The following EYS variants were observed in gnomAD, a reference collection of about 807,000 sequenced individuals.
EYS encodes protein eyes shut homolog.
EYS carries 250 observed loss-of-function variants against 282.1 expected under a neutral mutation model. That is an observed-to-expected ratio of 0.89 (90% confidence interval 0.80 to 0.98). The LOEUF (loss-of-function observed/expected upper bound fraction) is 0.98, where lower values mean the gene tolerates loss of function less well. EYS is among the 50% of genes least tolerant of loss of function. The pLI is 0.00. For synonymous variants in EYS, 1,355 were observed against 1,282.9 expected (o/e 1.06, Z -1.20); for missense variants, 4,016 against 3,709.0 (o/e 1.08, Z -2.15).
intron 12 of EYS, among the ~76,000 whole-genome samples, chr6:65,239,501 C>T (rs1242057001): frequency 6.6e-6 from 1 of 151,824 alleles, no homozygotes; most frequent in Non-Finnish European, 1.5e-5. Context: ...TTGGCTAATG[C>T]CCACTCTAGG....
intron 18 of EYS, among the ~76,000 whole-genome samples, chr6:64,894,168 T>C (rs1347106225): frequency 6.6e-6 from 1 of 152,122 alleles, no homozygotes; most frequent in East Asian, 1.9e-4. Flanking sequence ...TTAAGTTGCA[T>C]TGCATTTGTT....
At chr6:64,992,071 C>T (rs1430696864) in intron 14 of EYS, among the ~76,000 whole-genome samples, 1 of 151,804 alleles carries the variant, frequency 6.6e-6, no homozygotes, top group Admixed American at 6.6e-5. Flanking sequence ...GAATTTTAAG[C>T]ACGTGTCTTT....
At chr6:65,081,238 C>A (rs2150171593) in intron 12 of EYS, among the ~76,000 whole-genome samples, 1 of 151,990 alleles carries the variant, frequency 6.6e-6, no homozygotes, top group East Asian at 1.9e-4. Flanking sequence ...CTCAGTAGCC[C>A]CTTTTAACAT....
chr6:64,401,098 C>G (rs1773525308), intron 28 of EYS, among the ~76,000 whole-genome samples: 1 of 152,032 alleles, frequency 6.6e-6, no homozygotes, highest in South Asian at 2.1e-4. Flanking sequence ...AAGTTCTAAA[C>G]TTGCACAGGT....
Position 64,438,724 on chromosome 6 carries a change from A to G in EYS, c.5835+438T>C, listed in dbSNP as rs1346393716. 2.0e-5 allele frequency among the ~76,000 whole-genome samples: 3 copies of G among 151,812 alleles called. No homozygotes were observed. The East Asian group carries it at 5.8e-4, about 29-fold the overall frequency. On this transcript the variant is annotated intron_variant, in intron 27 of 42. Transcript: ENST00000503581. The stretch of plus-strand genomic sequence containing the variant: ...AATATTAATATCTAAATATATATAA[A>G]CTGATCTATCAGTATGAATGTAAAT...
chr6:64,780,135 G>C (rs979108949), intron 22 of EYS, among the ~76,000 whole-genome samples: 4 of 152,098 alleles, frequency 2.6e-5, no homozygotes, highest in South Asian at 2.1e-4. Flanking sequence ...ATATCTGGGA[G>C]AGATCACCAA....
intron 29 of EYS, among the ~76,000 whole-genome samples, chr6:64,331,092 C>T (rs919520730): frequency 6.6e-6 from 1 of 152,136 alleles, no homozygotes; most frequent in African/African-American, 2.4e-5. Flanking sequence ...TGAAGCCTGC[C>T]CTCTGCTGGT....
intron 36 of EYS, among the ~76,000 whole-genome samples, chr6:63,813,443 C>G (rs1017589948): frequency 2.0e-5 from 3 of 152,070 alleles, no homozygotes; most frequent in Non-Finnish European, 4.4e-5. Context: ...TAGTTTTTGA[C>G]AGAATATTTT....
At chr6:65,082,305 A>C (rs188001574) in intron 12 of EYS, among the ~76,000 whole-genome samples, 90 of 152,198 alleles carry the variant, frequency 5.9e-4, no homozygotes, top group African/African-American at 2.0e-3. Context: ...GGTTATGGAT[A>C]TAGTCCACAT....
At chr6:65,283,852 G>C (rs1174611714) in intron 12 of EYS, among the ~76,000 whole-genome samples, 1 of 151,976 alleles carries the variant, frequency 6.6e-6, no homozygotes, top group East Asian at 1.9e-4. Flanking sequence ...CTGTATTTGA[G>C]CTTTGTATAT....
At position 65,494,794 on chromosome 6, in the gene EYS, A is replaced by G. The variant is rs1330682702; in HGVS notation, c.617T>C (p.Phe206Ser). Residue 206 changes from phenylalanine to serine, a missense_variant, in exon 4 of 43, where the codon TTT becomes TCT. By Grantham distance (155) the Phe-to-Ser change is radical. Coordinates refer to ENST00000503581, the MANE Select transcript of EYS (RefSeq NM_001142800.2). The stretch of plus-strand genomic sequence containing the variant: ...AAGTTCCTGGCAGTATTTTCCAGAA[A>G]ATGGAGGCTGGCAATGGCAGCTATA... ...KTYSCHCQPP[F>S]SGKYCQELDA... The G allele has an allele frequency of 6.2e-7, 1 of 1,613,976 alleles. No individual in the cohort carries two copies. The highest frequency in any genetic ancestry group is 1.3e-5 in the African/African-American group (1 of 74,904).
At chr6:64,140,191 CA>C (rs1235791932) in intron 31 of EYS, among the ~76,000 whole-genome samples, 5 of 152,036 alleles carry the variant, frequency 3.3e-5, no homozygotes, top group Non-Finnish European at 7.4e-5. Flanking sequence ...GGTAACCCCC[CA>C]TCTATTTTGT....
chr6:65,077,564 T>A (rs1774094877), intron 12 of EYS, among the ~76,000 whole-genome samples: 1 of 152,090 alleles, frequency 6.6e-6, no homozygotes, highest in South Asian at 2.1e-4. Context: ...TCAAACAGAA[T>A]TACAACTTCT....
rs112466129 is a variant in EYS at position 64,462,779 on chromosome 6, G to A, written c.5645-23427C>T. Among the ~76,000 whole-genome samples the A allele has an allele frequency of 4.3e-3, 650 of 151,760 alleles. 4 individuals carry two copies. Among genetic ancestry groups the A allele is most frequent in the African/African-American group, 0.015 (602 of 41,332 alleles). On this transcript the variant is annotated intron_variant, in intron 26 of 42. Transcript: ENST00000503581. ...AACAAATATTTTACTAATTATTTGC[G>A]GGATTTCAGGAGGGAGTACAGGTAA...
At chr6:64,255,130 C>G (rs1767346413) in intron 30 of EYS, among the ~76,000 whole-genome samples, 1 of 151,952 alleles carries the variant, frequency 6.6e-6, no homozygotes, top group South Asian at 2.1e-4. Context: ...GCATTTAAGC[C>G]ATCATTGTTG....
chr6:64,709,035 C>T (rs1206549997), intron 22 of EYS, among the ~76,000 whole-genome samples: 2 of 152,010 alleles, frequency 1.3e-5, no homozygotes, highest in Non-Finnish European at 2.9e-5. Flanking sequence ...CACACACACA[C>T]ACAGCAGTAA....
At chr6:65,185,061 T>C (rs1372376406) in intron 12 of EYS, among the ~76,000 whole-genome samples, 2 of 151,266 alleles carry the variant, frequency 1.3e-5, no homozygotes, top group Non-Finnish European at 3.0e-5. Context: ...TATGTGTGAT[T>C]GATCTGAATT....
intron 2 of EYS, among the ~76,000 whole-genome samples, chr6:65,557,820 C>A (rs939073281): frequency 2.0e-5 from 3 of 152,108 alleles, no homozygotes; most frequent in African/African-American, 7.2e-5. Flanking sequence ...TCTCAGGAGA[C>A]CCAAAATGGG....
chr6:64,394,935 G>C, intron 28 of EYS, among the ~76,000 whole-genome samples: 1 of 152,054 alleles, frequency 6.6e-6, no homozygotes, highest in Non-Finnish European at 1.5e-5. Context: ...AAATTTACAA[G>C]AAAAAAACAA....
Sources: gnomAD v4.1 joint callset for allele counts (sites outside exome capture counted in the v4.1 genomes callset) on GRCh38, gnomAD v4.1.1 for gene constraint, MANE v1.5 for transcripts, NCBI Gene and HGNC (gene_info 2026-07-23, HGNC 2026-07-21) for gene names.